Variants in SLIT1 observed in about 807,000 individuals in gnomAD.
SLIT1 encodes slit guidance ligand 1, also known as slit homolog 1 protein.
Under a neutral mutation model 186.1 loss-of-function variants are expected in SLIT1, and 66 were observed. That is an observed-to-expected ratio of 0.35 (90% CI 0.29 to 0.44). The LOEUF (loss-of-function observed/expected upper bound fraction) is 0.44. Among genes scored for constraint, SLIT1 ranks in the 20% least tolerant of loss-of-function variants. SLIT1 has a pLI of 1.00. For missense variants in SLIT1, 1,638 were observed against 2,037.4 expected (o/e 0.80, Z 3.77); for synonymous variants, 761 against 833.8 (o/e 0.91, Z 1.50).
intron 4 of SLIT1, among the ~76,000 whole-genome samples, chr10:97,146,558 A>AGC (rs1491204347): frequency 7.6e-6 from 1 of 131,760 alleles, no homozygotes; most frequent in Non-Finnish European, 1.7e-5. Context: ...GAGGTACCCC[A>AGC]GCCCCCCCCA....
At chr10:97,080,862 C>A (rs1849097344) in intron 4 of SLIT1, among the ~76,000 whole-genome samples, 1 of 152,226 alleles carries the variant, frequency 6.6e-6, no homozygotes. Flanking sequence ...TCTGTCACAG[C>A]AATGCATTTC....
intron 13 of SLIT1, among the ~76,000 whole-genome samples, chr10:97,054,884 T>C (rs1463145406): frequency 6.6e-6 from 1 of 152,248 alleles, no homozygotes; most frequent in Non-Finnish European, 1.5e-5. Context: ...CCAGTTATAT[T>C]GCACAGGCTT....
rs142060416 is a variant in SLIT1 at position 97,159,378 on chromosome 10, G to T, written c.342-1489C>A. On this transcript the variant is annotated intron_variant, in intron 3 of 36. Transcript: ENST00000266058. ...TCCTAGGGAAACACTTCATTGCCTT[G>T]GGGGGATAAAATCATCAATACAATC... Among the ~76,000 whole-genome samples, 824 of 150,470 alleles carry T rather than the reference G, an allele frequency of 5.5e-3. 8 individuals are homozygous for T. Among genetic ancestry groups the T allele is most frequent in the Admixed American group, 0.011 (165 of 15,128 alleles).
chr10:97,036,793 T>A (rs1382010406), intron 22 of SLIT1, among the ~76,000 whole-genome samples: 1 of 152,190 alleles, frequency 6.6e-6, no homozygotes, highest in African/African-American at 2.4e-5. Context: ...AGGAGCTAGG[T>A]AGGCTAGAAA....
chr10:97,169,780 C>T (rs1369958864), intron 1 of SLIT1, among the ~76,000 whole-genome samples: 1 of 152,224 alleles, frequency 6.6e-6, no homozygotes, highest in Non-Finnish European at 1.5e-5. Context: ...TGCTTCATCT[C>T]ATTTCACTCT....
At position 97,042,992 on chromosome 10, in the gene SLIT1, G is replaced by A. The variant is rs150347979; in HGVS notation, c.2073C>T (p.Ile691=). Residue 691 remains isoleucine (I), a synonymous_variant, in exon 20 of 37, where the codon ATC becomes ATT. Coordinates refer to ENST00000266058, the MANE Select transcript of SLIT1 (RefSeq NM_003061.3). ...WLGGWLRKRK[I]VTGNPRCQNP... ...TCTGGCATCGCGGGTTCCCCGTCAC[G>A]ATCTTGCGCTTCCGTAGCCAGCCTC... The A allele has an allele frequency of 8.7e-5, 140 of 1,614,262 alleles. No homozygotes were observed. The African/African-American group carries it at 1.5e-3, about 17-fold the overall frequency.
In SLIT1 at chr10:97,108,886, C is replaced by CAA. The variant is rs11355026; in HGVS notation, c.414-42802_414-42801dup. Among the ~76,000 whole-genome samples, 37 of 46,764 alleles carry CAA rather than the reference C, an allele frequency of 7.9e-4. 3 individuals carry two copies. The highest frequency in any genetic ancestry group is 2.5e-3 in the African/African-American group (27 of 10,894). 30.7% of individuals were successfully genotyped at this position (46,764 alleles called of 152,430 possible). A position where few individuals can be genotyped will look rare whatever the true frequency, so the allele number is the denominator to read the frequency against. ...CTGGTGACAGAGTGAGTCTCAGTCTCAAAAAAAAAAAAAAAAAAAAAAAAA... is the reference window on the plus strand; with the variant it reads ...CTGGTGACAGAGTGAGTCTCAGTCTCAAAAAAAAAAAAAAAAAAAAAAAAAAA... On this transcript the variant is annotated intron_variant, in intron 4 of 36. Transcript: ENST00000266058.
chr10:97,020,786 C>A (rs185906259), intron 26 of SLIT1, among the ~76,000 whole-genome samples: 1 of 152,384 alleles, frequency 6.6e-6, no homozygotes, highest in African/African-American at 2.4e-5. Context: ...TACAAATGCC[C>A]ACAGTGGAGG....
chr10:97,046,722 G>A lies in SLIT1; in HGVS notation c.1785C>T (p.His595=). The A allele has an allele frequency of 2.5e-6, 4 of 1,612,450 alleles. No individual in the cohort carries two copies. Among genetic ancestry groups the A allele is most frequent in the South Asian group, 2.2e-5 (2 of 91,082 alleles). The change falls in exon 18 of 37, where the codon CAC becomes CAT. Residue 595 remains histidine, a synonymous_variant. Coordinates refer to ENST00000266058, the MANE Select transcript of SLIT1 (RefSeq NM_003061.3). ...TGGACTCCAGCTGGTTGGCAGTTAG[G>A]TGCAGCTCGCTCACAGAGGCTGCGC... is the stretch of plus-strand genomic sequence containing the variant. The part of the protein sequence containing the change: ...FEGAASVSEL[H]LTANQLESIR...
chr10:97,010,983 G>A lies in SLIT1; in HGVS notation c.3341+10C>T. 1 of 1,613,524 alleles carries A rather than the reference G, an allele frequency of 6.2e-7. No individual in the cohort carries two copies. The highest frequency in any genetic ancestry group is 1.3e-5 in the African/African-American group (1 of 75,028). On this transcript the variant is annotated intron_variant, in intron 31 of 36. Transcript: ENST00000266058. The surrounding 1 kb of genome is among the most constrained non-coding windows in gnomAD (Gnocchi z 4.8). Reference sequence around the variant, plus strand: ...AGGAGTCACTCCTAGTGTGTCCAGGGGCTGCTCACCTGTAGCCCTCAGCAC... The same window carrying A: ...AGGAGTCACTCCTAGTGTGTCCAGGAGCTGCTCACCTGTAGCCCTCAGCAC...
intron 4 of SLIT1, among the ~76,000 whole-genome samples, chr10:97,092,259 G>A (rs375693557): frequency 2.7e-4 from 41 of 152,326 alleles, no homozygotes; most frequent in African/African-American, 7.0e-4. Flanking sequence ...TGGTGCATCC[G>A]ATTCCCAAAA....
rs1848432374 is a variant in SLIT1 at position 97,013,977 on chromosome 10, G to C, written c.3109+42C>G. 5 of 1,605,022 alleles carry C rather than the reference G, an allele frequency of 3.1e-6. No individual in the cohort carries two copies. In the East Asian group the frequency reaches 6.7e-5, roughly 22 times the overall value. ...AGCATGGGGGCTCAGGGCTGTCTCT[G>C]TTCCCCACCTCCCCCAGACACTGCT... On this transcript the variant is annotated intron_variant, in intron 29 of 36. Coordinates refer to ENST00000266058, the MANE Select transcript of SLIT1 (RefSeq NM_003061.3).
intron 16 of SLIT1, 62 bp downstream of exon 16, chr10:97,047,628 G>A: frequency 6.6e-7 from 1 of 1,522,668 alleles, no homozygotes; most frequent in East Asian, 2.3e-5. Flanking sequence ...TCCTGGAGTA[G>A]GCCAAGGAGG....
At chr10:97,166,844 A>G (rs1328400292) in intron 1 of SLIT1, among the ~76,000 whole-genome samples, 1 of 152,158 alleles carries the variant, frequency 6.6e-6, no homozygotes, top group Non-Finnish European at 1.5e-5. Flanking sequence ...CTTATAGATG[A>G]GAGTGGCTCT....
At chr10:97,028,605 C>A (rs568148183) in intron 25 of SLIT1, among the ~76,000 whole-genome samples, 3 of 152,332 alleles carry the variant, frequency 2.0e-5, no homozygotes, top group South Asian at 2.1e-4. Context: ...CTCCTAGTTC[C>A]TTTCCAATGA....
intron 1 of SLIT1, among the ~76,000 whole-genome samples, chr10:97,176,265 C>T (rs1247917527): frequency 1.3e-5 from 2 of 152,102 alleles, no homozygotes; most frequent in Non-Finnish European, 2.9e-5. Context: ...AAAGAAGGAA[C>T]TCAGGTAAAG....
Position 97,061,813 on chromosome 10 carries a change from G to A in SLIT1, c.794-1026C>T, listed in dbSNP as rs1848896096. Among the ~76,000 whole-genome samples, 3 of 152,196 alleles carry A rather than the reference G, an allele frequency of 2.0e-5. No individual in the cohort carries two copies. In the South Asian group the frequency reaches 6.2e-4, roughly 32 times the overall value. ...GAGGGTCACAGGGTGGACAGATGTT[G>A]AGCCTTAGTGGATCCTGCTAGACAG... is the stretch of plus-strand genomic sequence containing the variant. On this transcript the variant is annotated intron_variant, in intron 8 of 36. Transcript: ENST00000266058.
At chr10:97,063,761 A>G in intron 7 of SLIT1, 143 bp from the exon 8 acceptor site, 3 of 883,876 alleles carry the variant, frequency 3.4e-6, no homozygotes, top group Non-Finnish European at 5.1e-6. Flanking sequence ...TAGACGGCTC[A>G]GCTCCAACCC....
rs200426634 is a variant in SLIT1, at chr10:97,056,351, G to A, written c.1271C>T (p.Thr424Ile). 1.1e-4 allele frequency: 174 copies of A among 1,614,106 alleles called. No homozygotes were observed. Among genetic ancestry groups the A allele is most frequent in the Admixed American group, 9.0e-4 (54 of 60,014 alleles). ...CTGGATGGCCCGCAGGGAGGTGAAA[G>A]TGCCCTTGGCGAGGCTCTGGATCTT... ...DNKIQSLAKG[T>I]FTSLRAIQTL... The change falls in exon 13 of 37, where the codon ACT (threonine) becomes ATT (isoleucine). Residue 424 changes from threonine (T) to isoleucine (I), a missense_variant. Transcript: ENST00000266058.
Sources: gnomAD v4.1 joint callset for allele counts (sites outside exome capture counted in the v4.1 genomes callset) on GRCh38, gnomAD v4.1.1 for gene constraint, Gnocchi (gnomAD v3.1) non-coding constraint, MANE v1.5 for transcripts, NCBI Gene and HGNC (gene_info 2026-07-23, HGNC 2026-07-21) for gene names.